Variants in CHAF1A observed in about 807,000 individuals in gnomAD.
The protein encoded by CHAF1A is chromatin assembly factor 1 subunit A, also known as CAF-1 subunit A.
Under a neutral mutation model 93.2 loss-of-function variants are expected in CHAF1A, and 5 were observed. That is an observed-to-expected ratio of 0.05 (90% CI 0.03 to 0.11). CHAF1A has a LOEUF of 0.11. Ranked by LOEUF, CHAF1A falls within the 10% of genes least tolerant of loss-of-function variation. The pLI, the probability that CHAF1A is intolerant of heterozygous loss-of-function variation, is 1.00. For synonymous variants in CHAF1A, 504 were observed against 510.3 expected (o/e 0.99, Z 0.17); for missense variants, 1,102 against 1,259.9 (o/e 0.87, Z 1.90).
chr19:4,446,332 G>A, downstream of CHAF1A: 2 of 1,572,796 alleles, frequency 1.3e-6, no homozygotes, highest in Non-Finnish European at 8.6e-7. Context: ...GCGTGTAGTT[G>A]TACTTGCGCA....
chr19:4,417,995 A>T, intron 3 of CHAF1A, 25 bp from the exon 4 acceptor site: 1 of 1,562,320 alleles, frequency 6.4e-7, no homozygotes, highest in Non-Finnish European at 8.7e-7. Flanking sequence ...ACCCGTGTTT[A>T]AAGATAAACG....
intron 3 of CHAF1A, among the ~76,000 whole-genome samples, chr19:4,411,642 A>ATGTTTTTTTTTTTTTTTTTT (rs1202069647): frequency 2.6e-5 from 1 of 38,066 alleles, no homozygotes; most frequent in East Asian, 4.5e-4. Flanking sequence ...AATGGTGCAA[A>ATGTTTTTTTTTTTTTTTTTT]TCTTTTTTTT....
At chr19:4,419,278 C>T (rs1043686763) in intron 4 of CHAF1A, among the ~76,000 whole-genome samples, 9 of 152,092 alleles carry the variant, frequency 5.9e-5, no homozygotes, top group African/African-American at 1.9e-4. Context: ...TGGGCTTTGC[C>T]TATGCAGTGC....
intron 3 of CHAF1A, among the ~76,000 whole-genome samples, chr19:4,416,493 C>G (rs568921324): frequency 5.9e-5 from 9 of 152,276 alleles, no homozygotes; most frequent in African/African-American, 2.2e-4. Context: ...AGCTCATGCT[C>G]AGTTTGAAGG....
At chr19:4,415,455 C>T (rs243356) in intron 3 of CHAF1A, among the ~76,000 whole-genome samples, 44,391 of 151,974 alleles carry the variant, frequency 0.29, 7,125 homozygotes, top group East Asian at 0.6. Context: ...CTGAATTCCC[C>T]GCCACCCCAA....
At chr19:4,436,021 C>G (rs1219073759) in intron 13 of CHAF1A, among the ~76,000 whole-genome samples, 2 of 152,094 alleles carry the variant, frequency 1.3e-5, no homozygotes, top group African/African-American at 4.8e-5. Flanking sequence ...TGCCTGTAAT[C>G]TCAGCTACTC....
chr19:4,440,619 G>A (rs946300974), intron 13 of CHAF1A, among the ~76,000 whole-genome samples: 39 of 152,090 alleles, frequency 2.6e-4, no homozygotes, highest in African/African-American at 9.2e-4. Flanking sequence ...CATCAGGGAC[G>A]TGTTCTGAGA....
At chr19:4,440,856 A>C (rs185519061) in intron 13 of CHAF1A, among the ~76,000 whole-genome samples, 1 of 152,136 alleles carries the variant, frequency 6.6e-6, no homozygotes, top group Non-Finnish European at 1.5e-5. Context: ...GCGGTGGCTC[A>C]TGCCTGTAAT....
intron 12 of CHAF1A, among the ~76,000 whole-genome samples, 163 bp downstream of exon 12, chr19:4,432,370 C>G (rs750224722): frequency 5.9e-5 from 9 of 152,152 alleles, no homozygotes; most frequent in Non-Finnish European, 1.3e-4. Flanking sequence ...TCAATGATGT[C>G]CCTAGCAGCA....
At chr19:4,445,781 C>A, downstream of CHAF1A, 1 of 1,264,166 alleles carries the variant, frequency 7.9e-7, no homozygotes, top group Non-Finnish European at 1.1e-6. Context: ...CCTCTCCCTC[C>A]GGGACTCCAG....
intron 7 of CHAF1A, among the ~76,000 whole-genome samples, chr19:4,426,481 G>C (rs1170610501): frequency 7.0e-6 from 1 of 143,136 alleles, no homozygotes; most frequent in African/African-American, 2.6e-5. Context: ...GTTGTTTTTT[G>C]TTTGTTTGTT....
chr19:4,403,627 C>T (rs1310678325), intron 1 of CHAF1A, among the ~76,000 whole-genome samples: 1 of 152,254 alleles, frequency 6.6e-6, no homozygotes, highest in African/African-American at 2.4e-5. Context: ...GGGTGTTAAG[C>T]ATCATCCCTG....
At position 4,422,469 on chromosome 19, in the gene CHAF1A, A is replaced by G; in HGVS notation, c.1018-97A>G. 1.8e-6 allele frequency: 2 copies of G among 1,111,374 alleles called. No individual in the cohort carries two copies. The highest frequency in any genetic ancestry group is 2.6e-6 in the Non-Finnish European group (2 of 765,454). 68.8% of individuals were successfully genotyped at this position (1,111,374 alleles called of 1,614,324 possible). On this transcript the variant is annotated intron_variant, in intron 4 of 14. Transcript: ENST00000301280. This position sits in a 1 kb window ranked among gnomAD's most constrained non-coding sequence, Gnocchi z 4.6. ...TAGCCTTGGTCCCTCAATTCTGTTC[A>G]TCCCGTCCAGGCCGTGCTGTCCTCC...
At position 4,422,717 on chromosome 19, in the gene CHAF1A, G is replaced by A. The variant is rs1230486583; in HGVS notation, c.1169G>A (p.Arg390Gln). ...ELKEKERREKREKDEKEKAEK... is the reference protein window; with the variant it reads ...ELKEKERREKQEKDEKEKAEK... The stretch of plus-strand genomic sequence containing the variant: ...AAGGAAAAGGAGAGGCGGGAGAAGC[G>A]GGAGAAGGATGAGAAGGAGAAGGCG... The change falls in exon 5 of 15, where the codon CGG (arginine) becomes CAG (glutamine). Residue 390 changes from arginine (R) to glutamine (Q), a missense_variant. Physicochemically the swap from Arg to Gln is conservative, Grantham distance 43 (BLOSUM62 1). Coordinates refer to ENST00000301280, the MANE Select transcript of CHAF1A (RefSeq NM_005483.3). The surrounding 1 kb of genome is among the most constrained non-coding windows in gnomAD (Gnocchi z 4.6). 6.2e-7 allele frequency: 1 copy of A among 1,610,634 alleles called. No homozygotes were observed. The highest frequency in any genetic ancestry group is 8.5e-7 in the Non-Finnish European group (1 of 1,178,452).
chr19:4,413,595 A>G (rs1200811269), intron 3 of CHAF1A, among the ~76,000 whole-genome samples: 2 of 152,192 alleles, frequency 1.3e-5, no homozygotes, highest in Non-Finnish European at 2.9e-5. Flanking sequence ...GAGTTGGTAC[A>G]GTGAAATATG....
At chr19:4,423,689 A>C in intron 6 of CHAF1A, 117 bp from the exon 7 acceptor site, 1 of 1,074,750 alleles carries the variant, frequency 9.3e-7, no homozygotes, top group East Asian at 2.4e-5. Context: ...TGAAAATCAC[A>C]GTAGTGCCTT....
chr19:4,443,151 T>G lies in CHAF1A; in HGVS notation c.*126T>G. The G allele has an allele frequency of 1.4e-6, 1 of 725,888 alleles. No individual in the cohort carries two copies. Among genetic ancestry groups the G allele is most frequent in the Non-Finnish European group, 2.5e-6 (1 of 397,490 alleles). The allele number at this position is 725,888 out of a possible 1,614,324, so 45.0% of individuals were successfully genotyped here. On this transcript the variant is annotated 3_prime_UTR_variant, in exon 15 of 15. Coordinates refer to ENST00000301280, the MANE Select transcript of CHAF1A (RefSeq NM_005483.3). ...ACGGACCTCCCCAAAGTGTGCAGAGTTCTATATAGGATGCTGGATTAGTTC... is the reference window on the plus strand; with the variant it reads ...ACGGACCTCCCCAAAGTGTGCAGAGGTCTATATAGGATGCTGGATTAGTTC...
chr19:4,443,314 G>T lies in CHAF1A; in HGVS notation c.*289G>T. 2.5e-6 allele frequency: 1 copy of T among 404,864 alleles called. No individual in the cohort carries two copies. The highest frequency in any genetic ancestry group is 2.4e-5 in the South Asian group (1 of 42,128). 25.1% of individuals were successfully genotyped at this position (404,864 alleles called of 1,614,324 possible). ...GGAATCCAATACTTGTAAATGAATT[G>T]AAGCGTCAGGACCACCCGCCTGGCC... is the stretch of plus-strand genomic sequence containing the variant. On this transcript the variant is annotated 3_prime_UTR_variant, in exon 15 of 15. Transcript: ENST00000301280.
In CHAF1A at chr19:4,433,645, G is replaced by A. The variant is rs898088273; in HGVS notation, c.2673+106G>A. On this transcript the variant is annotated intron_variant, in intron 13 of 14. Coordinates refer to ENST00000301280, the MANE Select transcript of CHAF1A (RefSeq NM_005483.3). The surrounding 1 kb of genome is among the most constrained non-coding windows in gnomAD (Gnocchi z 5.6). Reference sequence around the variant, plus strand: ...AGATGGAGTCCTGCTCTGTCACCCAGGCTGGAGTGCAGTGGCGCAATCTCA... The same window carrying A: ...AGATGGAGTCCTGCTCTGTCACCCAAGCTGGAGTGCAGTGGCGCAATCTCA... 2.2e-6 allele frequency: 2 copies of A among 923,316 alleles called. No individual in the cohort carries two copies. Among genetic ancestry groups the A allele is most frequent in the Admixed American group, 5.8e-5 (2 of 34,358 alleles). The allele number at this position is 923,316 out of a possible 1,614,324, so 57.2% of individuals were successfully genotyped here.
Sources: gnomAD v4.1 joint callset for allele counts (sites outside exome capture counted in the v4.1 genomes callset) on GRCh38, gnomAD v4.1.1 for gene constraint, Gnocchi (gnomAD v3.1) non-coding constraint, MANE v1.5 for transcripts, NCBI Gene and HGNC (gene_info 2026-07-23, HGNC 2026-07-21) for gene names.